Variants in ACTR3C observed in about 807,000 individuals in gnomAD.
The protein encoded by ACTR3C is actin related protein 3C.
Under a neutral mutation model 26.3 loss-of-function variants are expected in ACTR3C, and 18 were observed. The observed-to-expected ratio is 0.68, with a 90% CI of 0.47 to 1.01. The LOEUF is 1.01. Among genes scored for constraint, ACTR3C ranks in the 50% least tolerant of loss-of-function variants. The pLI, the probability that ACTR3C is intolerant of heterozygous loss-of-function variation, is 0.00. For synonymous variants in ACTR3C, 55 were observed against 94.5 expected (o/e 0.58, Z 2.42); for missense variants, 184 against 250.7 (o/e 0.73, Z 1.80).
chr7:150,299,464 CAAAAAAA>C (rs759969034), intron 1 of ACTR3C, among the ~76,000 whole-genome samples: 52 of 14,110 alleles, frequency 3.7e-3, no homozygotes, highest in East Asian at 0.022. Flanking sequence ...GACCCCCTCT[CAAAAAAA>C]AAAAAAAAAA....
At chr7:150,049,417 C>A in the ACTR3C span, among the ~76,000 whole-genome samples, 2 of 152,238 alleles carry the variant, frequency 1.3e-5, no homozygotes, top group African/African-American at 2.4e-5. Context: ...CCTGTGAGAC[C>A]CGCCCCTGCC....
the ACTR3C span, among the ~76,000 whole-genome samples, chr7:150,225,114 G>T: frequency 2.0e-5 from 3 of 151,672 alleles, no homozygotes; most frequent in Non-Finnish European, 4.4e-5. Context: ...GGCTCACCTT[G>T]TACATTTCCT....
the ACTR3C span, among the ~76,000 whole-genome samples, chr7:150,020,575 AAAG>A: frequency 1.3e-5 from 2 of 152,116 alleles, no homozygotes; most frequent in East Asian, 1.9e-4. Context: ...CCATGCTTAA[AAAG>A]AAGAAGCCAC....
the ACTR3C span, among the ~76,000 whole-genome samples, chr7:150,201,984 T>C: frequency 6.6e-6 from 1 of 152,194 alleles, no homozygotes; most frequent in African/African-American, 2.4e-5. Flanking sequence ...CAAGGAGGAA[T>C]TTCTGGGCTT....
chr7:150,132,229 C>T, the ACTR3C span, among the ~76,000 whole-genome samples: 1 of 152,266 alleles, frequency 6.6e-6, no homozygotes, highest in South Asian at 2.1e-4. Flanking sequence ...CGGGGAATAA[C>T]TGCTAATAGG....
At chr7:149,921,111 A>ATT in the ACTR3C span, among the ~76,000 whole-genome samples, 17 of 152,164 alleles carry the variant, frequency 1.1e-4, no homozygotes, top group Admixed American at 1.1e-3. Flanking sequence ...ATGACTCTGA[A>ATT]TTTTTTCCAG....
the ACTR3C span, among the ~76,000 whole-genome samples, chr7:149,951,901 AGTCT>A: frequency 6.6e-6 from 1 of 150,512 alleles, no homozygotes; most frequent in Non-Finnish European, 1.5e-5. Flanking sequence ...TAAGTGGATT[AGTCT>A]GCTTGGCTGC....
At chr7:150,046,988 G>A in the ACTR3C span, among the ~76,000 whole-genome samples, 1 of 152,178 alleles carries the variant, frequency 6.6e-6, no homozygotes, top group African/African-American at 2.4e-5. Context: ...CTGGGCCCTG[G>A]GACAGAGGGT....
At chr7:150,039,090 C>T in the ACTR3C span, among the ~76,000 whole-genome samples, 2 of 149,304 alleles carry the variant, frequency 1.3e-5, no homozygotes, top group Admixed American at 1.3e-4. Context: ...ACTACTAACA[C>T]CCACAGTCCT....
At chr7:149,899,207 C>T in the ACTR3C span, among the ~76,000 whole-genome samples, 6 of 151,412 alleles carry the variant, frequency 4.0e-5, no homozygotes, top group Non-Finnish European at 5.9e-5. Context: ...AAACTCTCAC[C>T]GTGGCAAAAA....
chr7:150,274,571 G>A lies in ACTR3C; in HGVS notation c.564+10182C>T, dbSNP rs1834710745. ...TGTAGTAATATCTATCACATATCAA[G>A]TACTACACTTCAGCCTGTGTAAGGG... On this transcript the variant is annotated intron_variant, in intron 6 of 7. Transcript: ENST00000683684. This position sits in a 1 kb window ranked among gnomAD's most constrained non-coding sequence, Gnocchi z 4.1. Among the ~76,000 whole-genome samples the A allele has an allele frequency of 6.6e-6, 1 of 152,116 alleles. No individual in the cohort carries two copies. The highest frequency in any genetic ancestry group is 1.5e-5 in the Non-Finnish European group (1 of 68,026).
the ACTR3C span, among the ~76,000 whole-genome samples, chr7:150,092,243 T>C: frequency 0.71 from 81,493 of 114,826 alleles, 30,087 homozygotes; most frequent in East Asian, 0.78. Context: ...AAACCTATGT[T>C]GCTAGTCCCT....
At chr7:149,952,103 G>T in the ACTR3C span, among the ~76,000 whole-genome samples, 4 of 151,212 alleles carry the variant, frequency 2.6e-5, no homozygotes, top group African/African-American at 9.8e-5. Context: ...TTCTTATAAG[G>T]ATGTCAGTTT....
chr7:150,180,375 T>G, the ACTR3C span, among the ~76,000 whole-genome samples: 1 of 150,936 alleles, frequency 6.6e-6, no homozygotes, highest in African/African-American at 2.5e-5. Context: ...AAGTGCTAAA[T>G]TCATTTCTAG....
chr7:150,209,722 T>TACAC, the ACTR3C span, among the ~76,000 whole-genome samples: 34,029 of 129,068 alleles, frequency 0.26, 4,373 homozygotes, highest in East Asian at 0.29. Flanking sequence ...CTACTAAAAA[T>TACAC]ACACACACAC....
At chr7:150,057,228 C>T in the ACTR3C span, among the ~76,000 whole-genome samples, 3 of 149,956 alleles carry the variant, frequency 2.0e-5, no homozygotes, top group South Asian at 2.1e-4. Flanking sequence ...TACTGATCCT[C>T]GGGTGGTATA....
intron 6 of ACTR3C, among the ~76,000 whole-genome samples, chr7:150,250,188 A>G (rs9986920): frequency 0.87 from 128,831 of 148,296 alleles, 56,392 homozygotes; most frequent in East Asian, 1. Context: ...TGAGCAAGAA[A>G]TGACAGAATC....
chr7:150,048,357 C>CCG, the ACTR3C span, among the ~76,000 whole-genome samples: 1 of 152,118 alleles, frequency 6.6e-6, no homozygotes, highest in Admixed American at 6.5e-5. Flanking sequence ...GGCCTCCTCC[C>CCG]CGCGCCCGGG....
chr7:149,971,683 T>A, the ACTR3C span, among the ~76,000 whole-genome samples: 2 of 152,200 alleles, frequency 1.3e-5, no homozygotes, highest in Middle Eastern at 3.2e-3. Context: ...GTTCCTGGCT[T>A]CTCTTTGCAG....
Sources: gnomAD v4.1 joint callset for allele counts (sites outside exome capture counted in the v4.1 genomes callset) on GRCh38, gnomAD v4.1.1 for gene constraint, Gnocchi (gnomAD v3.1) non-coding constraint, MANE v1.5 for transcripts, NCBI Gene and HGNC (gene_info 2026-07-23, HGNC 2026-07-21) for gene names.